Variants in GPC5 observed in about 807,000 individuals in gnomAD.
GPC5 encodes the protein glypican 5, also known as glypican-5.
Under a neutral mutation model 53.9 loss-of-function variants are expected in GPC5, and 47 were observed. The ratio of observed to expected loss-of-function variants is 0.87; its 90% CI spans 0.69 to 1.11. The LOEUF is 1.11. Ranked by LOEUF, GPC5 falls within the 50% of genes most tolerant of loss-of-function variation. The pLI is 0.00. For synonymous variants in GPC5, 286 were observed against 263.3 expected, an observed-to-expected ratio of 1.09 and a Z score of -0.84; for missense variants, 748 against 713.1, an observed-to-expected ratio of 1.05 and a Z score of -0.56.
intron 1 of GPC5, among the ~76,000 whole-genome samples, chr13:91,428,647 C>T (rs918284468): frequency 1.3e-5 from 2 of 152,138 alleles, no homozygotes; most frequent in African/African-American, 4.8e-5. Flanking sequence ...ATTTGTCTGC[C>T]TCCTATCGCT....
intron 5 of GPC5, among the ~76,000 whole-genome samples, chr13:91,785,491 T>C (rs531316784): frequency 1.3e-5 from 2 of 149,088 alleles, no homozygotes; most frequent in African/African-American, 5.0e-5. Flanking sequence ...TTTAAATACA[T>C]GAATACGATA....
At chr13:91,600,305 CAGAGAGAGAG>C (rs67108031) in intron 2 of GPC5, among the ~76,000 whole-genome samples, 5,528 of 146,498 alleles carry the variant, frequency 0.038, 352 homozygotes, top group African/African-American at 0.13. Context: ...GTTCATTTTA[CAGAGAGAGAG>C]AGAGAGAGAG....
intron 7 of GPC5, among the ~76,000 whole-genome samples, chr13:92,842,323 C>T (rs1878454812): frequency 6.6e-6 from 1 of 152,048 alleles, no homozygotes; most frequent in Non-Finnish European, 1.5e-5. Context: ...TCAGCATATT[C>T]CTGTTACTTG....
chr13:92,796,798 A>G (rs1278435905), intron 7 of GPC5, among the ~76,000 whole-genome samples: 2 of 151,956 alleles, frequency 1.3e-5, no homozygotes, highest in Non-Finnish European at 2.9e-5. Context: ...GATCTCCACT[A>G]CAACGTATTT....
intron 4 of GPC5, among the ~76,000 whole-genome samples, chr13:91,750,819 T>C (rs1186250099): frequency 6.6e-6 from 1 of 151,430 alleles, no homozygotes; most frequent in Admixed American, 6.6e-5. Flanking sequence ...TGCGCCACCA[T>C]GCCCGGCTAA....
At chr13:91,539,860 A>T (rs1200272467) in intron 2 of GPC5, among the ~76,000 whole-genome samples, 1 of 152,164 alleles carries the variant, frequency 6.6e-6, no homozygotes, top group Admixed American at 6.5e-5. Context: ...ATAAAAATAA[A>T]AACATAATAG....
intron 7 of GPC5, among the ~76,000 whole-genome samples, chr13:92,823,462 T>C (rs969249697): frequency 1.3e-5 from 2 of 152,112 alleles, no homozygotes; most frequent in Non-Finnish European, 2.9e-5. Flanking sequence ...ATATGAAAGC[T>C]TGAGTGACCA....
At chr13:91,817,605 G>A (rs2038420578) in intron 5 of GPC5, among the ~76,000 whole-genome samples, 1 of 152,158 alleles carries the variant, frequency 6.6e-6, no homozygotes, top group South Asian at 2.1e-4. Flanking sequence ...AAAAGTAGGA[G>A]ACCAAATACA....
Position 91,509,180 on chromosome 13 carries a change from C to A in GPC5, c.325+60258C>A, listed in dbSNP as rs2139324619. Among the ~76,000 whole-genome samples the A allele has an allele frequency of 3.3e-5, 5 of 151,852 alleles. No homozygotes were observed. In the South Asian group the frequency reaches 1.0e-3, roughly 32 times the overall value. On this transcript the variant is annotated intron_variant, in intron 2 of 7. Coordinates refer to ENST00000377067, the MANE Select transcript of GPC5 (RefSeq NM_004466.6). ...AGTCTTAAATTTATTATTCTAATGCCCCAAAATTGCAGGTATAGTAGTGAG... is the reference window on the plus strand; with the variant it reads ...AGTCTTAAATTTATTATTCTAATGCACCAAAATTGCAGGTATAGTAGTGAG...
At chr13:92,531,325 T>G (rs977027303) in intron 7 of GPC5, among the ~76,000 whole-genome samples, 1 of 152,034 alleles carries the variant, frequency 6.6e-6, no homozygotes, top group Admixed American at 6.6e-5. Context: ...GAATATTGAA[T>G]AGATCACTAG....
chr13:92,563,510 T>C (rs1882765893), intron 7 of GPC5, among the ~76,000 whole-genome samples: 1 of 152,064 alleles, frequency 6.6e-6, no homozygotes, highest in South Asian at 2.1e-4. Flanking sequence ...TCTTTGCTTA[T>C]ACAAAGAAAT....
At chr13:92,005,629 A>G (rs2040599725) in intron 6 of GPC5, among the ~76,000 whole-genome samples, 1 of 152,176 alleles carries the variant, frequency 6.6e-6, no homozygotes. Context: ...CATGTAACTT[A>G]TTTGATTATC....
At chr13:92,577,052 G>A (rs1282897049) in intron 7 of GPC5, among the ~76,000 whole-genome samples, 2 of 152,226 alleles carry the variant, frequency 1.3e-5, no homozygotes, top group East Asian at 3.9e-4. Flanking sequence ...TTCCAAGATA[G>A]TAAGCTGTGT....
rs57952325 is a variant in GPC5, at chr13:92,432,357, G to GTT, written c.1561+287389_1561+287390dup. Among the ~76,000 whole-genome samples, 160 of 111,360 alleles carry GTT rather than the reference G, an allele frequency of 1.4e-3. 5 individuals are homozygous for GTT. The highest frequency in any genetic ancestry group is 1.7e-3 in the African/African-American group (49 of 28,520). The allele number at this position is 111,360 out of a possible 152,430, so 73.1% of individuals were successfully genotyped here. On this transcript the variant is annotated intron_variant, in intron 7 of 7. Coordinates refer to ENST00000377067, the MANE Select transcript of GPC5 (RefSeq NM_004466.6). Reference sequence around the variant, plus strand: ...CTAGTTTTTTTATTGTTGGTGGTGGGTTTTTTTTTTTTTTTTTTTTTTCTT... The same window carrying GTT: ...CTAGTTTTTTTATTGTTGGTGGTGGGTTTTTTTTTTTTTTTTTTTTTTTTCTT...
intron 5 of GPC5, among the ~76,000 whole-genome samples, chr13:91,886,512 A>C (rs2039323773): frequency 1.3e-5 from 2 of 152,190 alleles, no homozygotes; most frequent in Non-Finnish European, 2.9e-5. Context: ...TTCAGCATTA[A>C]TTGAAAAGTC....
intron 5 of GPC5, among the ~76,000 whole-genome samples, chr13:91,898,058 A>G (rs1594649454): frequency 6.6e-6 from 1 of 152,226 alleles, no homozygotes; most frequent in East Asian, 1.9e-4. Context: ...CAAAGATTAT[A>G]TTCTTCACCA....
intron 2 of GPC5, among the ~76,000 whole-genome samples, chr13:91,534,346 A>T (rs1282878247): frequency 3.3e-5 from 5 of 152,228 alleles, no homozygotes; most frequent in Non-Finnish European, 7.3e-5. Context: ...ATATTATCTT[A>T]GATATACATT....
At chr13:92,293,418 GTTTCTTTTT>G (rs1242764119) in intron 7 of GPC5, among the ~76,000 whole-genome samples, 8 of 89,330 alleles carry the variant, frequency 9.0e-5, no homozygotes, top group Non-Finnish European at 1.6e-4. Flanking sequence ...TGGTTGGTTG[GTTTCTTTTT>G]TTTTTTTTTT....
chr13:92,520,638 A>G (rs772957354), intron 7 of GPC5, among the ~76,000 whole-genome samples: 17 of 152,134 alleles, frequency 1.1e-4, no homozygotes, highest in African/African-American at 1.4e-4. Context: ...TCTCAAAATA[A>G]TCAGAGGTGT....
Sources: allele counts gnomAD v4.1 joint callset (sites outside exome capture counted in the v4.1 genomes callset), GRCh38; gene constraint gnomAD v4.1.1; transcripts MANE v1.5; gene names NCBI Gene and HGNC (gene_info 2026-07-23, HGNC 2026-07-21).